The following UPF3A variants were observed in gnomAD, a reference collection of about 807,000 sequenced individuals.
UPF3A encodes the protein regulator of nonsense transcripts 3A.
A neutral mutation model predicts 53.5 loss-of-function variants in UPF3A; 42 were observed. The ratio of observed to expected loss-of-function variants is 0.78; its 90% confidence interval spans 0.61 to 1.01. UPF3A has a LOEUF of 1.01. Among genes scored for constraint, UPF3A ranks in the 50% least tolerant of loss-of-function variants. The pLI is 0.00. For synonymous variants in UPF3A, 237 were observed against 225.3 expected (o/e 1.05, Z -0.47); for missense variants, 575 against 598.0 (o/e 0.96, Z 0.40).
Position 114,282,857 on chromosome 13 carries a change from CAA to C in UPF3A, c.336_337del (p.Arg113SerfsTer4). ...TTCAGTCTTTATCCTCATCTCTACTCAAGAGCATACATTAATTTTAGGAATCC... is the reference window on the plus strand; with the variant it reads ...TTCAGTCTTTATCCTCATCTCTACTCGAGCATACATTAATTTTAGGAATCC... On this transcript the variant is annotated frameshift_variant, in exon 3 of 10. Transcript: ENST00000375299. LOFTEE classifies it high-confidence loss of function. The C allele has an allele frequency of 1.9e-6, 3 of 1,609,904 alleles. No individual in the cohort carries two copies. The highest frequency in any genetic ancestry group is 1.7e-5 in the Admixed American group (1 of 59,730).
intron 7 of UPF3A, among the ~76,000 whole-genome samples, chr13:114,296,801 G>A (rs117462399): frequency 2.2e-3 from 341 of 152,240 alleles, no homozygotes; most frequent in African/African-American, 4.4e-3. Context: ...AGCTGGTGTC[G>A]GAGGGGTGGT....
In UPF3A at chr13:114,301,656, C is replaced by T. The variant is rs557138176; in HGVS notation, c.1008-75C>T. 2.7e-6 allele frequency: 4 copies of T among 1,487,642 alleles called. No individual in the cohort carries two copies. In the Admixed American group the frequency reaches 7.5e-5, roughly 28 times the overall value. 92.2% of individuals were successfully genotyped at this position (1,487,642 alleles called of 1,614,324 possible). A position where few individuals can be genotyped will look rare whatever the true frequency, so the allele number is the denominator to read the frequency against. Reference sequence around the variant, plus strand: ...GCATGGGTCCCTGTTGTCTGGGAACCTGTGGTCTAGAAAGGAGGGTGGGCA... The same window carrying T: ...GCATGGGTCCCTGTTGTCTGGGAACTTGTGGTCTAGAAAGGAGGGTGGGCA... On this transcript the variant is annotated intron_variant, in intron 8 of 9. Coordinates refer to ENST00000375299, the MANE Select transcript of UPF3A (RefSeq NM_023011.4).
At chr13:114,301,553 C>T (rs2086608439) in intron 8 of UPF3A, among the ~76,000 whole-genome samples, 178 bp from the exon 9 acceptor site, 1 of 152,098 alleles carries the variant, frequency 6.6e-6, no homozygotes, top group African/African-American at 2.4e-5. Context: ...TGATTTATTC[C>T]TCTTTGTAGT....
At chr13:114,282,281 C>G (rs2084157916) in intron 2 of UPF3A, 154 bp downstream of exon 2, 1 of 819,372 alleles carries the variant, frequency 1.2e-6, no homozygotes, top group Non-Finnish European at 1.8e-6. Context: ...CGTGTCCGTT[C>G]CGTCAAAGAA....
intron 7 of UPF3A, 150 bp downstream of exon 7, chr13:114,291,942 T>C: frequency 8.8e-7 from 1 of 1,142,532 alleles, no homozygotes; most frequent in East Asian, 2.7e-5. Context: ...CCATCTTTCT[T>C]TCCATCCTAC....
intron 5 of UPF3A, among the ~76,000 whole-genome samples, chr13:114,290,734 CTTTTTTTT>C (rs112441605): frequency 5.8e-5 from 8 of 138,424 alleles, no homozygotes; most frequent in Admixed American, 1.4e-4. Context: ...TCTTTTTTTT[CTTTTTTTT>C]TTTTTTTTGA....
At position 114,300,096 on chromosome 13, in the gene UPF3A, C is replaced by T. The variant is rs559731622; in HGVS notation, c.1007+1096C>T. On this transcript the variant is annotated intron_variant, in intron 8 of 9. Transcript: ENST00000375299. ...GATGACACAGCAGGACCTACTGCCACGTGTCTGCTGTGAATTCATACTTGG... is the reference window on the plus strand; with the variant it reads ...GATGACACAGCAGGACCTACTGCCATGTGTCTGCTGTGAATTCATACTTGG... Among the ~76,000 whole-genome samples, 6 of 152,312 alleles carry T rather than the reference C, an allele frequency of 3.9e-5. No individual in the cohort carries two copies. The South Asian group carries it at 6.2e-4, about 16-fold the overall frequency.
At chr13:114,290,955 G>C (rs1443685303) in intron 5 of UPF3A, among the ~76,000 whole-genome samples, 1 of 151,570 alleles carries the variant, frequency 6.6e-6, no homozygotes, top group Non-Finnish European at 1.5e-5. Flanking sequence ...GGCTGGTCTC[G>C]AATTCCCAAT....
chr13:114,301,105 G>A (rs1187225026), intron 8 of UPF3A, among the ~76,000 whole-genome samples: 1 of 151,798 alleles, frequency 6.6e-6, no homozygotes, highest in Middle Eastern at 3.2e-3. Flanking sequence ...GAGACACCAT[G>A]CCTGGTCAAA....
In UPF3A at chr13:114,300,767, G is replaced by T. The variant is rs142440978; in HGVS notation, c.1008-964G>T. 8.0e-3 allele frequency among the ~76,000 whole-genome samples: 1,219 copies of T among 152,208 alleles called. 14 individuals carry two copies. Among genetic ancestry groups the T allele is most frequent in the African/African-American group, 0.027 (1,138 of 41,510 alleles). ...TTGGTCAGGCTGGTCTCGAACTCCT[G>T]ATTTTAGGAGATCTGCCTGCCTTGG... On this transcript the variant is annotated intron_variant, in intron 8 of 9. Transcript: ENST00000375299.
intron 3 of UPF3A, among the ~76,000 whole-genome samples, chr13:114,284,391 G>A (rs2084447133): frequency 1.3e-5 from 2 of 151,048 alleles, no homozygotes; most frequent in South Asian, 4.2e-4. Context: ...ATATGTGTGT[G>A]TGTGTGTAAA....
intron 9 of UPF3A, among the ~76,000 whole-genome samples, chr13:114,304,337 T>C (rs2086851470): frequency 1.3e-5 from 2 of 152,236 alleles, no homozygotes; most frequent in Admixed American, 1.3e-4. Flanking sequence ...TCCAGGAGTT[T>C]AATAAAATGA....
intron 3 of UPF3A, chr13:114,285,924 G>A (rs1371153453): frequency 5.3e-6 from 1 of 189,644 alleles, no homozygotes; most frequent in African/African-American, 2.4e-5. Flanking sequence ...GGGGAGGTCA[G>A]GTATATTGAG....
intron 5 of UPF3A, among the ~76,000 whole-genome samples, chr13:114,288,736 T>C (rs983475874): frequency 6.6e-6 from 1 of 151,720 alleles, no homozygotes; most frequent in African/African-American, 2.4e-5. Context: ...GTGTGGGAGG[T>C]AAGGGGACAG....
rs1478639973 is a variant in UPF3A, at chr13:114,281,828, G to A, written c.189G>A (p.Lys63=). The change falls in exon 1 of 10, where the codon AAG becomes AAA. Residue 63 remains lysine, a synonymous_variant. Transcript: ENST00000375299. ...GTGCGGGCAAACCTCGCGAGGAGAA[G>A]AGGACGGCCCTGAGCAAGGTGGGGA... ...GGGAGKPREE[K]RTALSKVVIR... 7.1e-6 allele frequency: 11 copies of A among 1,543,928 alleles called. No individual in the cohort carries two copies. Among genetic ancestry groups the A allele is most frequent in the African/African-American group, 1.4e-5 (1 of 72,234 alleles).
In UPF3A at chr13:114,301,806, C is replaced by T. The variant is rs1470350492; in HGVS notation, c.1083C>T (p.Tyr361=). ...AACAAGAATCTGAAGCACAAAGATA[C>T]CATGTGGATGACGGCAGGAGGCACA... ...SQEQESEAQR[Y]HVDDGRRHRA... is the part of the protein sequence containing the mutation. Residue 361 remains tyrosine (Y), a synonymous_variant, in exon 9 of 10, where the codon TAC becomes TAT. Transcript: ENST00000375299. 6.2e-7 allele frequency: 1 copy of T among 1,613,882 alleles called. No individual in the cohort carries two copies. Among genetic ancestry groups the T allele is most frequent in the Non-Finnish European group, 8.5e-7 (1 of 1,179,888 alleles).
rs755299586 is a variant in UPF3A at position 114,282,952 on chromosome 13, A to C, written c.421+9A>C. 1 of 1,570,090 alleles carries C rather than the reference A, an allele frequency of 6.4e-7. No homozygotes were observed. Among genetic ancestry groups the C allele is most frequent in the Non-Finnish European group, 8.7e-7 (1 of 1,146,218 alleles). On this transcript the variant is annotated intron_variant, in intron 3 of 9. Transcript: ENST00000375299. ...CTTCCTTGACAGCAAAGGTTGGATT[A>C]TTGGTTTTTAAAAATCTATTATAAT...
At position 114,305,346 on chromosome 13, in the gene UPF3A, A is replaced by G. The variant is rs186621462; in HGVS notation, c.*429A>G. On this transcript the variant is annotated 3_prime_UTR_variant, in exon 10 of 10. Transcript: ENST00000375299. ...CGTGCTTCTCGGTGGCCTCTGAGCC[A>G]TGGTGTCGAGTGAAGAGTAGTTCTT... The G allele has an allele frequency of 0.017, 4,555 of 267,846 alleles. 233 individuals carry two copies. Among genetic ancestry groups the G allele is most frequent in the African/African-American group, 0.097 (4,313 of 44,424 alleles). 16.6% of individuals were successfully genotyped at this position (267,846 alleles called of 1,614,324 possible). A position where few individuals can be genotyped will look rare whatever the true frequency, so the allele number is the denominator to read the frequency against.
At chr13:114,282,616 G>A (rs1235625744) in intron 2 of UPF3A, 10 of 985,370 alleles carry the variant, frequency 1.0e-5, no homozygotes, top group Non-Finnish European at 1.1e-5. Flanking sequence ...CGGAGGACCG[G>A]TTCTGGGCAG....
Sources: allele counts gnomAD v4.1 joint callset (sites outside exome capture counted in the v4.1 genomes callset), GRCh38; gene constraint gnomAD v4.1.1; transcripts MANE v1.5; gene names NCBI Gene and HGNC (gene_info 2026-07-23, HGNC 2026-07-21).